Variants in SMG6 observed in about 807,000 individuals in gnomAD.
The protein encoded by SMG6 is SMG6 nonsense mediated mRNA decay factor.
Under a neutral mutation model 142.2 loss-of-function variants are expected in SMG6, and 66 were observed. The ratio of observed to expected loss-of-function variants is 0.46; its 90% CI spans 0.38 to 0.57. SMG6 has a LOEUF of 0.57. Among genes scored for constraint, SMG6 ranks in the 20% least tolerant of loss-of-function variants. The pLI, the probability that SMG6 is intolerant of heterozygous loss-of-function variation, is 0.00. For synonymous variants in SMG6, 779 were observed against 702.4 expected (o/e 1.11, Z -1.72); for missense variants, 1,793 against 1,832.0 (o/e 0.98, Z 0.39).
intron 6 of SMG6, among the ~76,000 whole-genome samples, chr17:2,287,033 G>C (rs938956885): frequency 6.8e-6 from 1 of 146,900 alleles, no homozygotes; most frequent in South Asian, 2.1e-4. Flanking sequence ...TCGGGTTCAC[G>C]CCATTCTCCT....
At chr17:2,168,334 A>ACAT (rs1368002429) in intron 13 of SMG6, among the ~76,000 whole-genome samples, 8 of 151,700 alleles carry the variant, frequency 5.3e-5, no homozygotes, top group Non-Finnish European at 1.2e-4. Flanking sequence ...CTGGGATTAC[A>ACAT]GGTGCCTACC....
At chr17:2,075,715 A>C (rs1261753190) in intron 15 of SMG6, among the ~76,000 whole-genome samples, 1 of 152,268 alleles carries the variant, frequency 6.6e-6, no homozygotes, top group Non-Finnish European at 1.5e-5. Context: ...CAATGGGAAC[A>C]AAAAGAACTC....
chr17:2,271,751 T>G (rs937496706), intron 8 of SMG6, among the ~76,000 whole-genome samples: 1 of 152,120 alleles, frequency 6.6e-6, no homozygotes, highest in African/African-American at 2.4e-5. Context: ...GCTGTAAATT[T>G]TTTTTAATTA....
intron 8 of SMG6, among the ~76,000 whole-genome samples, chr17:2,269,391 CA>C (rs67018732): frequency 0.44 from 62,767 of 144,056 alleles, 14,515 homozygotes; most frequent in African/African-American, 0.63. Flanking sequence ...GACTCTGTCC[CA>C]AAAAAAAAAG....
intron 13 of SMG6, among the ~76,000 whole-genome samples, chr17:2,116,057 A>G (rs565458960): frequency 6.6e-6 from 1 of 152,130 alleles, no homozygotes; most frequent in Non-Finnish European, 1.5e-5. Flanking sequence ...TAATAAAAAT[A>G]TATCTATTTA....
intron 10 of SMG6, among the ~76,000 whole-genome samples, chr17:2,217,729 C>T (rs778396797): frequency 4.6e-5 from 7 of 152,080 alleles, no homozygotes; most frequent in Non-Finnish European, 7.4e-5. Context: ...TGAAAAGGAC[C>T]GCCGGGCACG....
At chr17:2,291,867 AAAAAG>A in intron 6 of SMG6, among the ~76,000 whole-genome samples, 1 of 151,334 alleles carries the variant, frequency 6.6e-6, no homozygotes, top group Admixed American at 6.6e-5. Flanking sequence ...AAAAAAAAAA[AAAAAG>A]AGAGAGACAA....
Position 2,065,639 on chromosome 17 carries a change from T to C in SMG6, c.3876A>G (p.Thr1292=), listed in dbSNP as rs752258649. Reference sequence around the variant, plus strand: ...GGGCGTAGCCCCCAGCCCGGTGGTCTGTCTCCTGCCCCTTGGCCAGGCCGT... The same window carrying C: ...GGGCGTAGCCCCCAGCCCGGTGGTCCGTCTCCTGCCCCTTGGCCAGGCCGT... ...ELDGLAKGQE[T]DHRAGGYARV... The change falls in exon 17 of 19, where the codon ACA becomes ACG. Residue 1292 remains threonine, a synonymous_variant. Transcript: ENST00000263073. The C allele has an allele frequency of 3.7e-6, 6 of 1,613,854 alleles. No individual in the cohort carries two copies. Among genetic ancestry groups the C allele is most frequent in the Non-Finnish European group, 5.1e-6 (6 of 1,180,024 alleles).
chr17:2,225,986 C>T (rs1041005865), intron 10 of SMG6, among the ~76,000 whole-genome samples: 10 of 152,158 alleles, frequency 6.6e-5, no homozygotes, highest in Non-Finnish European at 1.3e-4. Context: ...ACTCTTAAGA[C>T]GTAATAATAA....
chr17:2,227,310 T>A (rs2073347173), intron 10 of SMG6, among the ~76,000 whole-genome samples: 1 of 152,152 alleles, frequency 6.6e-6, no homozygotes, highest in Non-Finnish European at 1.5e-5. Flanking sequence ...AGTGAAAAAC[T>A]AGAAACAACC....
Position 2,082,144 on chromosome 17 carries a change from C to T in SMG6, c.3535-188G>A, listed in dbSNP as rs190699202. Reference sequence around the variant, plus strand: ...AGGTTGACAAAAGCTGTCACTCTTCCCCCGGAGCTGCTCTCTTTTATACTC... The same window carrying T: ...AGGTTGACAAAAGCTGTCACTCTTCTCCCGGAGCTGCTCTCTTTTATACTC... On this transcript the variant is annotated intron_variant, in intron 14 of 18. Coordinates refer to ENST00000263073, the MANE Select transcript of SMG6 (RefSeq NM_017575.5). The T allele has an allele frequency of 5.0e-6, 3 of 600,346 alleles. No individual in the cohort carries two copies. The African/African-American group carries it at 5.6e-5, about 11-fold the overall frequency. 37.2% of individuals were successfully genotyped at this position (600,346 alleles called of 1,614,324 possible).
chr17:2,098,130 A>T (rs2068906787), intron 13 of SMG6, among the ~76,000 whole-genome samples: 2 of 152,022 alleles, frequency 1.3e-5, no homozygotes, highest in Non-Finnish European at 2.9e-5. Flanking sequence ...CTGGGACTAC[A>T]AGCACGTGCC....
chr17:2,244,803 A>C, intron 8 of SMG6, 84 bp from the exon 9 acceptor site: 8 of 1,167,042 alleles, frequency 6.9e-6, no homozygotes, highest in African/African-American at 1.5e-5. Flanking sequence ...TGACACAATA[A>C]CCTGGCCAGG....
rs374225199 is a variant in SMG6 at position 2,300,495 on chromosome 17, A to G, written c.258T>C (p.Ala86=). ...TAACGGGCTGTGTACCATTTTCAACAGCAGAGCAATCTCGGTCATTAACAA... is the reference window on the plus strand; with the variant it reads ...TAACGGGCTGTGTACCATTTTCAACGGCAGAGCAATCTCGGTCATTAACAA... ...DEIVNDRDCS[A]VENGTQPVKD... The change falls in exon 2 of 19, where the codon GCT becomes GCC. Residue 86 remains alanine (A), a synonymous_variant. Transcript: ENST00000263073. The G allele has an allele frequency of 6.2e-7, 1 of 1,614,170 alleles. No homozygotes were observed. The highest frequency in any genetic ancestry group is 1.3e-5 in the African/African-American group (1 of 75,044).
At chr17:2,216,058 C>T (rs1186328609) in intron 10 of SMG6, 2 of 152,200 alleles carry the variant, frequency 1.3e-5, no homozygotes, top group Admixed American at 6.6e-5. Flanking sequence ...GCAGATGTTC[C>T]CCGCAGCATC....
intron 10 of SMG6, among the ~76,000 whole-genome samples, chr17:2,206,124 TAAC>T (rs2072673572): frequency 6.6e-6 from 1 of 152,144 alleles, no homozygotes; most frequent in Non-Finnish European, 1.5e-5. Flanking sequence ...ATATTTTTTA[TAAC>T]ACACAGCCTC....
chr17:2,140,697 A>C (rs2070450907), intron 13 of SMG6, among the ~76,000 whole-genome samples: 1 of 151,738 alleles, frequency 6.6e-6, no homozygotes, highest in Non-Finnish European at 1.5e-5. Context: ...AATTCTTCAT[A>C]TCCACATTGT....
chr17:2,244,104 T>C (rs1408250257), intron 9 of SMG6, among the ~76,000 whole-genome samples: 3 of 152,162 alleles, frequency 2.0e-5, no homozygotes, highest in Non-Finnish European at 4.4e-5. Flanking sequence ...CACACTACCT[T>C]CCCTGAGATG....
chr17:2,184,808 T>C (rs1022730167), intron 12 of SMG6, among the ~76,000 whole-genome samples: 17 of 142,196 alleles, frequency 1.2e-4, no homozygotes, highest in Non-Finnish European at 2.4e-4. Context: ...CTATTAAAAA[T>C]ACAAAAATTA....
Sources: gnomAD v4.1 joint callset for allele counts (sites outside exome capture counted in the v4.1 genomes callset) on GRCh38, gnomAD v4.1.1 for gene constraint, MANE v1.5 for transcripts, NCBI Gene and HGNC (gene_info 2026-07-23, HGNC 2026-07-21) for gene names.